The following IMMP2L variants were observed in gnomAD, a reference collection of about 807,000 sequenced individuals.
The protein encoded by IMMP2L is mitochondrial inner membrane protease subunit 2.
Under a neutral mutation model 19.3 loss-of-function variants are expected in IMMP2L, and 18 were observed. The observed-to-expected ratio is 0.93, with a 90% CI of 0.64 to 1.38. The LOEUF is 1.38. Among genes scored for constraint, IMMP2L ranks in the 40% most tolerant of loss-of-function variants. The pLI is 0.00. For missense variants in IMMP2L, 233 were observed against 218.2 expected (o/e 1.07, Z -0.43); for synonymous variants, 76 against 73.0 (o/e 1.04, Z -0.21).
intron 5 of IMMP2L, among the ~76,000 whole-genome samples, chr7:110,676,403 G>A (rs977802766): frequency 6.6e-6 from 1 of 152,220 alleles, no homozygotes; most frequent in African/African-American, 2.4e-5. Context: ...TTGGCCTGAG[G>A]GCCATTGTTC....
intron 4 of IMMP2L, among the ~76,000 whole-genome samples, chr7:110,923,054 G>A (rs771850618): frequency 6.6e-6 from 1 of 152,106 alleles, no homozygotes; most frequent in African/African-American, 2.4e-5. Flanking sequence ...CTATGGCTAG[G>A]CCCCAGGCAT....
At chr7:110,773,509 A>G (rs1309175127) in intron 5 of IMMP2L, among the ~76,000 whole-genome samples, 6 of 152,222 alleles carry the variant, frequency 3.9e-5, no homozygotes, top group Non-Finnish European at 1.5e-5. Flanking sequence ...TATCAGGTGC[A>G]GGGACAGATT....
chr7:111,343,511 T>C (rs1231529638), intron 3 of IMMP2L, among the ~76,000 whole-genome samples: 2 of 152,192 alleles, frequency 1.3e-5, no homozygotes, highest in African/African-American at 4.8e-5. Flanking sequence ...AATCCTTTCC[T>C]GGCTCCCGGC....
At chr7:110,834,974 A>G (rs1364021221) in intron 5 of IMMP2L, among the ~76,000 whole-genome samples, 1 of 152,162 alleles carries the variant, frequency 6.6e-6, no homozygotes, top group Non-Finnish European at 1.5e-5. Context: ...GTAAACACTG[A>G]GTGCCATCAG....
intron 3 of IMMP2L, among the ~76,000 whole-genome samples, chr7:111,305,391 C>T (rs560992344): frequency 6.6e-6 from 1 of 152,250 alleles, no homozygotes; most frequent in African/African-American, 2.4e-5. Flanking sequence ...TGCAGTGGCG[C>T]GATCTCAGCT....
intron 5 of IMMP2L, among the ~76,000 whole-genome samples, chr7:110,792,740 G>A (rs1199828162): frequency 1.3e-5 from 2 of 152,148 alleles, no homozygotes; most frequent in Admixed American, 1.3e-4. Flanking sequence ...GTACATTCTA[G>A]GGGTACATTC....
intron 5 of IMMP2L, among the ~76,000 whole-genome samples, chr7:110,800,052 CT>C (rs1430372532): frequency 2.0e-5 from 3 of 152,052 alleles, no homozygotes; most frequent in Non-Finnish European, 1.5e-5. Context: ...ATTTATTAAT[CT>C]TTTCTTCATT....
At chr7:111,498,529 A>G (rs1036916443) in intron 2 of IMMP2L, among the ~76,000 whole-genome samples, 6 of 148,286 alleles carry the variant, frequency 4.0e-5, no homozygotes, top group Non-Finnish European at 7.5e-5. Context: ...AACCTAATTA[A>G]AAAAAAAAAG....
intron 5 of IMMP2L, among the ~76,000 whole-genome samples, chr7:110,873,429 CAAA>C (rs60827428): frequency 4.1e-4 from 12 of 28,952 alleles, no homozygotes; most frequent in African/African-American, 7.5e-4. Flanking sequence ...GACTCTATCT[CAAA>C]AAAAAAAAAA....
chr7:110,826,398 T>C (rs1270549639), intron 5 of IMMP2L, among the ~76,000 whole-genome samples: 1 of 152,196 alleles, frequency 6.6e-6, no homozygotes, highest in Non-Finnish European at 1.5e-5. Context: ...ATATGTTTGT[T>C]GTGGCACTAT....
chr7:111,059,596 T>C (rs11773752), intron 3 of IMMP2L, among the ~76,000 whole-genome samples: 116,737 of 152,072 alleles, frequency 0.77, 47,776 homozygotes, highest in Non-Finnish European at 0.9. Flanking sequence ...GGGACTAAAA[T>C]AGTGGCTAAA....
chr7:110,899,828 T>C (rs1006091126), intron 4 of IMMP2L, among the ~76,000 whole-genome samples: 1 of 152,246 alleles, frequency 6.6e-6, no homozygotes, highest in African/African-American at 2.4e-5. Context: ...TAAAATGTTC[T>C]AGGCTATTTT....
chr7:111,444,615 C>T (rs763608730), intron 3 of IMMP2L, among the ~76,000 whole-genome samples: 2 of 152,124 alleles, frequency 1.3e-5, no homozygotes, highest in Non-Finnish European at 2.9e-5. Context: ...TCATTTTCCT[C>T]ATCGCTTCTA....
chr7:111,091,397 A>G (rs1171732315), intron 3 of IMMP2L: 6 of 152,140 alleles, frequency 3.9e-5, no homozygotes, highest in Non-Finnish European at 8.8e-5. Flanking sequence ...AAATGCACCT[A>G]TTTATACCGG....
intron 3 of IMMP2L, among the ~76,000 whole-genome samples, chr7:111,323,951 G>T (rs563379220): frequency 1.1e-4 from 17 of 152,044 alleles, no homozygotes; most frequent in African/African-American, 3.4e-4. Context: ...TGAGAACACA[G>T]GGACACAGGA....
intron 3 of IMMP2L, among the ~76,000 whole-genome samples, chr7:111,369,265 G>A (rs887178355): frequency 6.6e-6 from 1 of 151,880 alleles, no homozygotes; most frequent in African/African-American, 2.4e-5. Context: ...CATTACGTTT[G>A]TAAGATCTAC....
At chr7:111,079,122 CT>C (rs1169407875) in intron 3 of IMMP2L, among the ~76,000 whole-genome samples, 1,448 of 144,594 alleles carry the variant, frequency 0.01, 19 homozygotes, top group African/African-American at 0.03. Flanking sequence ...TAATTTTTTT[CT>C]TTTTTTTTTT....
chr7:111,183,704 G>A (rs1478708562), intron 3 of IMMP2L, among the ~76,000 whole-genome samples: 1 of 151,972 alleles, frequency 6.6e-6, no homozygotes, highest in African/African-American at 2.4e-5. Flanking sequence ...TTTTGTTGTT[G>A]TTGTTGTTAA....
At chr7:111,237,165 C>T (rs1007505848) in intron 3 of IMMP2L, among the ~76,000 whole-genome samples, 2 of 152,116 alleles carry the variant, frequency 1.3e-5, no homozygotes, top group Non-Finnish European at 2.9e-5. Context: ...TATAATGTCT[C>T]ACACATAGAA....
Sources: gnomAD v4.1 joint callset for allele counts (sites outside exome capture counted in the v4.1 genomes callset) on GRCh38, gnomAD v4.1.1 for gene constraint, MANE v1.5 for transcripts, NCBI Gene and HGNC (gene_info 2026-07-23, HGNC 2026-07-21) for gene names.